Variants in LMAN2 observed in about 807,000 individuals in gnomAD.
The protein encoded by LMAN2 is lectin, mannose binding 2.
LMAN2 carries 22 observed loss-of-function variants against 39.3 expected under a neutral mutation model. The ratio of observed to expected loss-of-function variants is 0.56; its 90% CI spans 0.40 to 0.80. The LOEUF is 0.80. Among genes scored for constraint, LMAN2 ranks in the 30% least tolerant of loss-of-function variants. The pLI, the probability that LMAN2 is intolerant of heterozygous loss-of-function variation, is 0.00. For synonymous variants in LMAN2, 207 were observed against 207.8 expected (o/e 1.00, Z 0.03); for missense variants, 494 against 505.4 (o/e 0.98, Z 0.22).
chr5:177,332,802 C>G lies in LMAN2; in HGVS notation c.911-556G>C, dbSNP rs900000940. On this transcript the variant is annotated intron_variant, in intron 7 of 7. Transcript: ENST00000303127. The surrounding 1 kb of genome is among the most constrained non-coding windows in gnomAD (Gnocchi z 6.3). ...CATCCTGGGATGGGGCCCACTGGTACGCTCCCTTGTACAGGCGGAGAGAAG... is the reference window on the plus strand; with the variant it reads ...CATCCTGGGATGGGGCCCACTGGTAGGCTCCCTTGTACAGGCGGAGAGAAG... Among the ~76,000 whole-genome samples the G allele has an allele frequency of 1.3e-5, 2 of 152,170 alleles. No individual in the cohort carries two copies. The highest frequency in any genetic ancestry group is 2.9e-5 in the Non-Finnish European group (2 of 68,026).
At chr5:177,341,614 G>T (rs1233063240) in intron 2 of LMAN2, among the ~76,000 whole-genome samples, 1 of 152,142 alleles carries the variant, frequency 6.6e-6, no homozygotes, top group Non-Finnish European at 1.5e-5. Flanking sequence ...AAAACCAAAA[G>T]AATTCATTAG....
At position 177,333,570 on chromosome 5, in the gene LMAN2, T is replaced by C. The variant is rs111328935; in HGVS notation, c.910+714A>G. ...GAAAAGCAGAAACACGCGGCCAAAC[T>C]GGCCCACACGGCATGGGGACCCAGG... is the stretch of plus-strand genomic sequence containing the variant. On this transcript the variant is annotated intron_variant, in intron 7 of 7. Coordinates refer to ENST00000303127, the MANE Select transcript of LMAN2 (RefSeq NM_006816.3). Among the ~76,000 whole-genome samples, 92 of 152,370 alleles carry C rather than the reference T, an allele frequency of 6.0e-4. 1 individual carries two copies. The highest frequency in any genetic ancestry group is 2.1e-3 in the African/African-American group (89 of 41,590).
In LMAN2 at chr5:177,337,806, T is replaced by G; in HGVS notation, c.434-21A>C. 2.5e-6 allele frequency: 4 copies of G among 1,609,826 alleles called. No homozygotes were observed. The highest frequency in any genetic ancestry group is 3.4e-6 in the Non-Finnish European group (4 of 1,177,360). ...AGGCCCTAGAATTATAAGCAGATGC[T>G]CTCAGAATGGGAGAAACAGGAGCCG... On this transcript the variant is annotated intron_variant, in intron 3 of 7. Transcript: ENST00000303127. This position sits in a 1 kb window ranked among gnomAD's most constrained non-coding sequence, Gnocchi z 8.2.
intron 2 of LMAN2, among the ~76,000 whole-genome samples, chr5:177,340,506 A>C (rs1275452788): frequency 1.6e-4 from 24 of 152,128 alleles, no homozygotes. Context: ...GGCCGGGTGC[A>C]GTGGCTCACG....
intron 7 of LMAN2, among the ~76,000 whole-genome samples, chr5:177,333,655 A>T (rs1484463637): frequency 6.6e-6 from 1 of 152,238 alleles, no homozygotes; most frequent in Non-Finnish European, 1.5e-5. Context: ...CCCCAGGCAC[A>T]CATCTGTGGC....
intron 2 of LMAN2, among the ~76,000 whole-genome samples, chr5:177,348,816 G>A (rs895472734): frequency 5.3e-5 from 8 of 150,556 alleles, no homozygotes; most frequent in Non-Finnish European, 1.0e-4. Context: ...CCAGGAAGGC[G>A]GAAGTTGCAG....
chr5:177,344,346 G>A (rs558515021), intron 2 of LMAN2, among the ~76,000 whole-genome samples: 238 of 136,102 alleles, frequency 1.7e-3, no homozygotes, highest in Non-Finnish European at 2.8e-3. Flanking sequence ...GTGCAGTGGC[G>A]TGATCTCAGC....
Position 177,351,136 on chromosome 5 carries a change from A to G in LMAN2, c.315+37T>C, listed in dbSNP as rs763874313. 6.3e-6 allele frequency: 10 copies of G among 1,594,542 alleles called. No homozygotes were observed. In the East Asian group the frequency reaches 2.2e-4, roughly 36 times the overall value. On this transcript the variant is annotated intron_variant, in intron 2 of 7. Transcript: ENST00000303127. Reference sequence around the variant, plus strand: ...CTCGGGAGGCAGGGACTAGCAGCCAACCGCACAGTACGCCTATCCTCTTGA... The same window carrying G: ...CTCGGGAGGCAGGGACTAGCAGCCAGCCGCACAGTACGCCTATCCTCTTGA...
chr5:177,334,095 G>A (rs143082181), intron 7 of LMAN2, among the ~76,000 whole-genome samples, 189 bp downstream of exon 7: 3 of 152,344 alleles, frequency 2.0e-5, no homozygotes, highest in African/African-American at 4.8e-5. Context: ...GAGCTGACAC[G>A]ATCCAAGCCC....
chr5:177,345,207 T>C (rs1486682361), intron 2 of LMAN2, among the ~76,000 whole-genome samples: 1 of 148,216 alleles, frequency 6.7e-6, no homozygotes, highest in Non-Finnish European at 1.5e-5. Flanking sequence ...TAGCCAGGCA[T>C]GGTGGTGTGC....
At chr5:177,343,581 ACAC>A (rs745516380) in intron 2 of LMAN2, among the ~76,000 whole-genome samples, 1 of 152,138 alleles carries the variant, frequency 6.6e-6, no homozygotes, top group Non-Finnish European at 1.5e-5. Context: ...ACACACACAC[ACAC>A]ACACACACAC....
At chr5:177,340,106 T>C (rs1431933213) in intron 2 of LMAN2, among the ~76,000 whole-genome samples, 2 of 152,002 alleles carry the variant, frequency 1.3e-5, no homozygotes, top group African/African-American at 4.8e-5. Context: ...TTACTAAAAC[T>C]GATTCAAAGA....
chr5:177,351,106 A>G (rs931521305), intron 2 of LMAN2, 67 bp downstream of exon 2: 12 of 1,409,728 alleles, frequency 8.5e-6, no homozygotes, highest in Non-Finnish European at 1.2e-5. Flanking sequence ...CTGGGGTCTC[A>G]GCTGCTCGGG....
In LMAN2 at chr5:177,332,141, A is replaced by G; in HGVS notation, c.1016T>C (p.Val339Ala). 1 of 1,613,596 alleles carries G rather than the reference A, an allele frequency of 6.2e-7. No homozygotes were observed. The highest frequency in any genetic ancestry group is 8.5e-7 in the Non-Finnish European group (1 of 1,179,960). The change falls in exon 8 of 8, where the codon GTG (valine) becomes GCG (alanine). Residue 339 changes from valine to alanine, a missense_variant. Physicochemically the swap from Val to Ala is moderately conservative, Grantham distance 64. Transcript: ENST00000303127. The surrounding 1 kb of genome is among the most constrained non-coding windows in gnomAD (Gnocchi z 6.3). ...CTTCTGGAACACCACGGCCCCCACC[A>G]CGGCGCAGACAACGATGCCCAGGAG... ...CALLGIVVCA[V>A]VGAVVFQKRQ...
At chr5:177,351,126 C>A in intron 2 of LMAN2, 47 bp downstream of exon 2, 1 of 1,563,072 alleles carries the variant, frequency 6.4e-7, no homozygotes, top group Non-Finnish European at 8.8e-7. Flanking sequence ...GAGGCAGGGA[C>A]TAGCAGCCAA....
At chr5:177,349,392 C>A (rs978816007) in intron 2 of LMAN2, among the ~76,000 whole-genome samples, 1 of 152,206 alleles carries the variant, frequency 6.6e-6, no homozygotes, top group South Asian at 2.1e-4. Flanking sequence ...TTGGGAAACA[C>A]TGAACAGAAA....
Position 177,332,345 on chromosome 5 carries a change from G to C in LMAN2, c.911-99C>G. On this transcript the variant is annotated intron_variant, in intron 7 of 7. Transcript: ENST00000303127. This position sits in a 1 kb window ranked among gnomAD's most constrained non-coding sequence, Gnocchi z 6.3. ...GGATGGAACAGGACAGCCGGCCACG[G>C]TGGGCAGGCCGGTCGTACTCACCCC... 8.6e-7 allele frequency: 1 copy of C among 1,164,868 alleles called. No homozygotes were observed. The highest frequency in any genetic ancestry group is 2.5e-5 in the East Asian group (1 of 40,034). 72.2% of individuals were successfully genotyped at this position (1,164,868 alleles called of 1,614,324 possible).
chr5:177,337,326 G>A lies in LMAN2; in HGVS notation c.675+37C>T. 6.2e-7 allele frequency: 1 copy of A among 1,609,998 alleles called. No individual in the cohort carries two copies. The highest frequency in any genetic ancestry group is 8.5e-7 in the Non-Finnish European group (1 of 1,179,546). On this transcript the variant is annotated intron_variant, in intron 5 of 7. Transcript: ENST00000303127. This position sits in a 1 kb window ranked among gnomAD's most constrained non-coding sequence, Gnocchi z 8.2. ...TGAGCCTCTGTGGGACCAGCACAGG[G>A]CCACCAGCTGCCACCCCCACCGCCT...
At chr5:177,348,101 G>A (rs1184822192) in intron 2 of LMAN2, among the ~76,000 whole-genome samples, 12 of 152,126 alleles carry the variant, frequency 7.9e-5, no homozygotes, top group Non-Finnish European at 1.3e-4. Flanking sequence ...CCAGATGGGG[G>A]TGGGGGGTGA....
Sources: gnomAD v4.1 joint callset for allele counts (sites outside exome capture counted in the v4.1 genomes callset) on GRCh38, gnomAD v4.1.1 for gene constraint, Gnocchi (gnomAD v3.1) non-coding constraint, MANE v1.5 for transcripts, NCBI Gene and HGNC (gene_info 2026-07-23, HGNC 2026-07-21) for gene names.